Variants in KAZN observed in about 807,000 individuals in gnomAD.
The protein encoded by KAZN is kazrin, periplakin interacting protein.
Under a neutral mutation model 87.4 loss-of-function variants are expected in KAZN, and 40 were observed. The observed-to-expected ratio is 0.46, with a 90% CI of 0.36 to 0.60. KAZN has a LOEUF of 0.60. Ranked by LOEUF, KAZN falls within the 20% of genes least tolerant of loss-of-function variation. The pLI is 0.00. For synonymous variants in KAZN, 466 were observed against 458.3 expected (o/e 1.02, Z -0.22); for missense variants, 898 against 1,073.9 (o/e 0.84, Z 2.29).
rs534678016 is a variant in KAZN, at chr1:14,394,782, G to GT, written c.250-204200dup. ...TGCATATATTATCTTGTTGAACGCAGTAAGAACTCTGTGAGGTGGGTAGGA... is the reference window on the plus strand; with the variant it reads ...TGCATATATTATCTTGTTGAACGCAGTTAAGAACTCTGTGAGGTGGGTAGGA... On this transcript the variant is annotated intron_variant, in intron 2 of 16. Coordinates refer to the KAZN transcript ENST00000636203. Among the ~76,000 whole-genome samples, 329 of 152,340 alleles carry GT rather than the reference G, an allele frequency of 2.2e-3. 1 individual carries two copies. The highest frequency in any genetic ancestry group is 0.017 in the Middle Eastern group (5 of 294).
At chr1:14,977,374 A>G (rs1316861613) in intron 2 of KAZN, among the ~76,000 whole-genome samples, 1 of 152,168 alleles carries the variant, frequency 6.6e-6, no homozygotes, top group African/African-American at 2.4e-5. Flanking sequence ...GGGAGCACTC[A>G]CACCCTCAGG....
Position 15,117,920 on chromosome 1 carries a change from A to G in KAZN, c.*3285A>G, listed in dbSNP as rs1641897807. Reference sequence around the variant, plus strand: ...CTCCCGAGCCCTGACACACAAAGGCATTTTGTGGCTGCAGAGGAAATGGGT... The same window carrying G: ...CTCCCGAGCCCTGACACACAAAGGCGTTTTGTGGCTGCAGAGGAAATGGGT... On this transcript the variant is annotated 3_prime_UTR_variant, in exon 15 of 15. Transcript: ENST00000376030. 6.6e-6 allele frequency: 1 copy of G among 152,192 alleles called. No homozygotes were observed. The highest frequency in any genetic ancestry group is 2.1e-4 in the South Asian group (1 of 4,832). The allele number at this position is 152,192 out of a possible 1,614,324, so 9.4% of individuals were successfully genotyped here. A position where few individuals can be genotyped will look rare whatever the true frequency, so the allele number is the denominator to read the frequency against.
chr1:15,092,274 C>T (rs1229615959), intron 8 of KAZN, among the ~76,000 whole-genome samples: 1 of 151,790 alleles, frequency 6.6e-6, no homozygotes, highest in Non-Finnish European at 1.5e-5. Context: ...GGGGTTTCTC[C>T]ATGTTGGTCA....
intron 1 of KAZN, among the ~76,000 whole-genome samples, chr1:14,819,556 C>A (rs938520618): frequency 6.6e-6 from 1 of 152,072 alleles, no homozygotes; most frequent in Non-Finnish European, 1.5e-5. Flanking sequence ...ACGTGGAAAT[C>A]CTACCTGAGT....
rs79149119 is a variant in KAZN at position 14,366,189 on chromosome 1, T to G, written c.249+185597T>G. 1.1e-4 allele frequency among the ~76,000 whole-genome samples: 16 copies of G among 152,344 alleles called. No individual in the cohort carries two copies. In the East Asian group the frequency reaches 2.9e-3, roughly 28 times the overall value. ...AGTGGAAAGTTAGCAGAGAAGATAT[T>G]CATAAAAGTCTGTGGAAATGGTTTG... On this transcript the variant is annotated intron_variant, in intron 2 of 16. Coordinates refer to the KAZN transcript ENST00000636203.
chr1:14,686,062 C>T (rs1010517738), intron 1 of KAZN, among the ~76,000 whole-genome samples: 1 of 152,078 alleles, frequency 6.6e-6, no homozygotes, highest in Admixed American at 6.6e-5. Flanking sequence ...CTCAGTCTGC[C>T]ACTCTTTTGT....
intron 1 of KAZN, among the ~76,000 whole-genome samples, chr1:14,003,614 G>A (rs1269462907): frequency 1.3e-5 from 2 of 152,166 alleles, no homozygotes; most frequent in African/African-American, 4.8e-5. Context: ...ACCACACACT[G>A]CAGTGTGGTG....
chr1:14,964,736 C>T (rs1007815016), intron 2 of KAZN, among the ~76,000 whole-genome samples: 1 of 152,222 alleles, frequency 6.6e-6, no homozygotes, highest in Non-Finnish European at 1.5e-5. Flanking sequence ...CCCCCAAAGA[C>T]TTGCCCCCTG....
chr1:14,571,393 T>G (rs534911398), intron 2 of KAZN, among the ~76,000 whole-genome samples: 1 of 152,338 alleles, frequency 6.6e-6, no homozygotes, highest in Admixed American at 6.5e-5. Flanking sequence ...TGAATCTCTG[T>G]CGTCTGCTCA....
intron 2 of KAZN, among the ~76,000 whole-genome samples, chr1:15,027,070 CTTTTTTTTTTTTTTTTT>C (rs71000358): frequency 1.8e-5 from 1 of 56,116 alleles, no homozygotes; most frequent in East Asian, 6.8e-4. Context: ...GCCAGTGCTT[CTTTTTTTTTTTTTTTTT>C]TTTTTTTTTT....
At chr1:14,973,850 G>A (rs1249234443) in intron 2 of KAZN, among the ~76,000 whole-genome samples, 4 of 152,050 alleles carry the variant, frequency 2.6e-5, no homozygotes, top group Non-Finnish European at 4.4e-5. Flanking sequence ...AGGGTGCACC[G>A]GTTACTACTG....
chr1:14,655,114 C>T (rs552397836), intron 1 of KAZN, among the ~76,000 whole-genome samples: 27 of 152,314 alleles, frequency 1.8e-4, no homozygotes, highest in African/African-American at 6.5e-4. Flanking sequence ...TTCCGTGGTG[C>T]TGCTGCTCCT....
chr1:14,050,955 A>T (rs531185764), intron 1 of KAZN, among the ~76,000 whole-genome samples: 34 of 152,326 alleles, frequency 2.2e-4, no homozygotes, highest in African/African-American at 8.2e-4. Context: ...GTTTTTGCTG[A>T]TGTTGTTTAA....
chr1:14,935,272 C>G (rs990548371), intron 1 of KAZN, among the ~76,000 whole-genome samples: 10 of 152,220 alleles, frequency 6.6e-5, no homozygotes, highest in Admixed American at 2.0e-4. Context: ...CAGAGTTTCA[C>G]TCTTGTTGAC....
Position 14,959,485 on chromosome 1 carries a change from C to T in KAZN, c.227-1199C>T, listed in dbSNP as rs1214260130. On this transcript the variant is annotated intron_variant, in intron 1 of 14. Coordinates refer to ENST00000376030, the MANE Select transcript of KAZN (RefSeq NM_201628.3). ...AGCCAGGGCTGCCCTTGTCCCCTCC[C>T]CAGGTCCCTCTGAGATGTAAAATGA... Among the ~76,000 whole-genome samples, 4 of 152,082 alleles carry T rather than the reference C, an allele frequency of 2.6e-5. No homozygotes were observed. The East Asian group carries it at 7.8e-4, about 30-fold the overall frequency.
chr1:14,902,092 C>G (rs534307919), intron 1 of KAZN, among the ~76,000 whole-genome samples: 2 of 152,320 alleles, frequency 1.3e-5, no homozygotes, highest in Admixed American at 6.5e-5. Flanking sequence ...CCCAGGAGTC[C>G]CGTGCTAACA....
chr1:15,064,192 A>C (rs1358262260), intron 7 of KAZN, among the ~76,000 whole-genome samples: 1 of 152,240 alleles, frequency 6.6e-6, no homozygotes, highest in Non-Finnish European at 1.5e-5. Flanking sequence ...GGGAGGACAA[A>C]CAACATGAAT....
intron 1 of KAZN, among the ~76,000 whole-genome samples, chr1:14,059,431 C>T (rs540017748): frequency 6.6e-6 from 1 of 152,288 alleles, no homozygotes; most frequent in East Asian, 1.9e-4. Context: ...AAGAAATATC[C>T]AGCACAGGAA....
chr1:14,766,936 A>G (rs1377345946), intron 1 of KAZN, among the ~76,000 whole-genome samples: 1 of 151,912 alleles, frequency 6.6e-6, no homozygotes, highest in African/African-American at 2.4e-5. Context: ...AGAGAAATAT[A>G]TGTGGTCTAG....
Sources: gnomAD v4.1 joint callset for allele counts (sites outside exome capture counted in the v4.1 genomes callset) on GRCh38, gnomAD v4.1.1 for gene constraint, MANE v1.5 for transcripts, NCBI Gene and HGNC (gene_info 2026-07-23, HGNC 2026-07-21) for gene names.